The following API5 variants were observed in gnomAD, a reference collection of about 807,000 sequenced individuals.
API5 encodes FIF.
Under a neutral mutation model 71.9 loss-of-function variants are expected in API5, and 6 were observed. The ratio of observed to expected loss-of-function variants is 0.08; its 90% CI spans 0.05 to 0.16. API5 has a LOEUF of 0.16. API5 is among the 10% of genes least tolerant of loss of function. API5 has a pLI of 1.00. For missense variants in API5, 332 were observed against 612.8 expected (o/e 0.54, Z 4.84); for synonymous variants, 189 against 221.3 (o/e 0.85, Z 1.30).
At chr11:43,326,716 C>T in intron 7 of API5, 105 bp downstream of exon 7, 1 of 660,242 alleles carries the variant, frequency 1.5e-6, no homozygotes, top group Non-Finnish European at 2.7e-6. Context: ...GTTTAAATGT[C>T]TGGTAATGGC....
In API5 at chr11:43,323,505, G is replaced by A. The variant is rs780256757; in HGVS notation, c.619G>A (p.Val207Met). 1 of 1,614,168 alleles carries A rather than the reference G, an allele frequency of 6.2e-7. No individual in the cohort carries two copies. Among genetic ancestry groups the A allele is most frequent in the South Asian group, 1.1e-5 (1 of 91,082 alleles). Residue 207 changes from valine to methionine, a missense_variant, in exon 6 of 14, where the codon GTG (valine) becomes ATG (methionine). By Grantham distance (21) the Val-to-Met change is conservative. Transcript: ENST00000531273. ...ILSGLKSLQT[V>M]SGRQQLVELV... ...GTCTGGGTTAAAAAGCTTACAGACA[G>A]TGAGTGGAAGACAGCAACTTGTAGA...
rs1854502875 is a variant in API5 at position 43,312,325 on chromosome 11, G to A, written c.69+129G>A. ...CTCCCGGGGCCTCCTAGCCTCCTCA[G>A]GCCGTCTCGTCGGGGTGGGCCTCTC... On this transcript the variant is annotated intron_variant, in intron 1 of 13. Coordinates refer to ENST00000531273, the MANE Select transcript of API5 (RefSeq NM_001142930.2). 3 of 994,938 alleles carry A rather than the reference G, an allele frequency of 3.0e-6. No individual in the cohort carries two copies. In the Admixed American group the frequency reaches 7.0e-5, roughly 23 times the overall value. The allele number at this position is 994,938 out of a possible 1,614,324, so 61.6% of individuals were successfully genotyped here.
chr11:43,335,244 C>T, intron 11 of API5, 34 bp from the exon 12 acceptor site: 1 of 1,486,910 alleles, frequency 6.7e-7, no homozygotes, highest in East Asian at 2.3e-5. Flanking sequence ...CCAACAAATA[C>T]ATTAGAATTC....
chr11:43,320,137 C>G (rs758503713), intron 2 of API5, among the ~76,000 whole-genome samples: 1 of 151,174 alleles, frequency 6.6e-6, no homozygotes, highest in Non-Finnish European at 1.5e-5. Flanking sequence ...CCTCCGCCTC[C>G]CTGGTTCAAG....
intron 9 of API5, 93 bp downstream of exon 9, chr11:43,328,986 A>G (rs1855162233): frequency 2.4e-6 from 3 of 1,274,752 alleles, no homozygotes; most frequent in Admixed American, 1.9e-5. Context: ...AGAGCTCCCC[A>G]TCCTGCCTTA....
chr11:43,326,957 T>C (rs576188184), intron 7 of API5, among the ~76,000 whole-genome samples: 17 of 152,340 alleles, frequency 1.1e-4, no homozygotes, highest in South Asian at 6.2e-4. Flanking sequence ...CCTTCTTCAA[T>C]AGAATTCACT....
chr11:43,328,484 A>G (rs930808392), intron 8 of API5, among the ~76,000 whole-genome samples: 1 of 152,210 alleles, frequency 6.6e-6, no homozygotes, highest in Non-Finnish European at 1.5e-5. Flanking sequence ...AGCTACATTA[A>G]TCTTCATTAT....
Position 43,330,077 on chromosome 11 carries a change from A to G in API5, c.1221+19A>G. On this transcript the variant is annotated intron_variant, in intron 10 of 13. Coordinates refer to ENST00000531273, the MANE Select transcript of API5 (RefSeq NM_001142930.2). Reference sequence around the variant, plus strand: ...AGAAGAGGTAAGAATACTGGCTCACATTTCATAAACTGCTAGTTCCATACC... The same window carrying G: ...AGAAGAGGTAAGAATACTGGCTCACGTTTCATAAACTGCTAGTTCCATACC... 1 of 1,597,004 alleles carries G rather than the reference A, an allele frequency of 6.3e-7. No individual in the cohort carries two copies. The highest frequency in any genetic ancestry group is 1.1e-5 in the South Asian group (1 of 90,716).
chr11:43,334,175 T>C (rs1417277817), intron 11 of API5, among the ~76,000 whole-genome samples: 1 of 152,160 alleles, frequency 6.6e-6, no homozygotes, highest in Non-Finnish European at 1.5e-5. Flanking sequence ...TGGGAGAACA[T>C]AGGTATGTTT....
chr11:43,341,356 G>A (rs1170237305), intron 13 of API5, among the ~76,000 whole-genome samples: 3 of 152,240 alleles, frequency 2.0e-5, no homozygotes, highest in South Asian at 4.1e-4. Flanking sequence ...GCATCAACAG[G>A]TGAATGGCTA....
At chr11:43,323,103 A>C (rs148630184) in intron 5 of API5, among the ~76,000 whole-genome samples, 12 of 147,870 alleles carry the variant, frequency 8.1e-5, no homozygotes, top group African/African-American at 2.7e-4. Flanking sequence ...AATTTTTTTA[A>C]TTTTTTTTTT....
chr11:43,322,153 AT>A lies in API5; in HGVS notation c.543+20del. On this transcript the variant is annotated intron_variant, in intron 5 of 13. Transcript: ENST00000531273. Reference sequence around the variant, plus strand: ...TCCAAAAAGGTGAGCTTTGGTCTTCATTTGGTGGAAATTCTCTAAAGCAAAA... The same window carrying A: ...TCCAAAAAGGTGAGCTTTGGTCTTCATTGGTGGAAATTCTCTAAAGCAAAA... 1 of 1,579,764 alleles carries A rather than the reference AT, an allele frequency of 6.3e-7. No individual in the cohort carries two copies. The highest frequency in any genetic ancestry group is 8.6e-7 in the Non-Finnish European group (1 of 1,166,322).
chr11:43,327,687 A>T (rs1162094478), intron 7 of API5, 102 bp from the exon 8 acceptor site: 1 of 806,676 alleles, frequency 1.2e-6, no homozygotes, highest in Non-Finnish European at 1.9e-6. Context: ...ATTCTGTGAA[A>T]ACATAATTGA....
chr11:43,327,049 A>C (rs1855099778), intron 7 of API5, among the ~76,000 whole-genome samples: 2 of 152,306 alleles, frequency 1.3e-5, no homozygotes, highest in East Asian at 3.9e-4. Flanking sequence ...TTTGTTTATA[A>C]TCTCTCCCTA....
intron 10 of API5, 83 bp downstream of exon 10, chr11:43,330,141 C>T (rs1487764302): frequency 2.8e-6 from 3 of 1,080,912 alleles, no homozygotes; most frequent in African/African-American, 3.1e-5. Context: ...TTCATTTTCC[C>T]TTATCTCACC....
chr11:43,325,200 A>G (rs1489171109), intron 6 of API5, among the ~76,000 whole-genome samples: 1 of 152,244 alleles, frequency 6.6e-6, no homozygotes, highest in Non-Finnish European at 1.5e-5. Context: ...AGTTTGAGGA[A>G]CTAAGAAGGG....
chr11:43,335,251 A>G (rs764872746), intron 11 of API5, 27 bp from the exon 12 acceptor site: 1 of 1,531,792 alleles, frequency 6.5e-7, no homozygotes, highest in Non-Finnish European at 9.0e-7. Flanking sequence ...ATACATTAGA[A>G]TTCTTGCCTG....
chr11:43,337,185 G>T (rs984863844), intron 13 of API5, among the ~76,000 whole-genome samples: 1 of 151,910 alleles, frequency 6.6e-6, no homozygotes, highest in Non-Finnish European at 1.5e-5. Context: ...AATTAGTTGG[G>T]TATGGTGGCA....
chr11:43,312,273 G>T, intron 1 of API5, 77 bp downstream of exon 1: 2 of 1,479,292 alleles, frequency 1.4e-6, no homozygotes, highest in East Asian at 2.3e-5. Context: ...CGCACTCCCC[G>T]GGCCGAGCGG....
Sources: allele counts gnomAD v4.1 joint callset (sites outside exome capture counted in the v4.1 genomes callset), GRCh38; gene constraint gnomAD v4.1.1; transcripts MANE v1.5; gene names NCBI Gene and HGNC (gene_info 2026-07-23, HGNC 2026-07-21).